The following RABGAP1L variants were observed in gnomAD, a reference collection of about 807,000 sequenced individuals.
RABGAP1L encodes the protein rab GTPase-activating protein 1-like.
Under a neutral mutation model 137.7 loss-of-function variants are expected in RABGAP1L, and 63 were observed. The observed-to-expected ratio is 0.46, with a 90% CI of 0.37 to 0.56. The LOEUF is 0.56. Ranked by LOEUF, RABGAP1L falls within the 20% of genes least tolerant of loss-of-function variation. The pLI, the probability that RABGAP1L is intolerant of heterozygous loss-of-function variation, is 0.00. For missense variants in RABGAP1L, 1,095 were observed against 1,244.0 expected, an observed-to-expected ratio of 0.88 and a Z score of 1.80; for synonymous variants, 431 against 433.7, an observed-to-expected ratio of 0.99 and a Z score of 0.08.
At chr1:174,509,093 A>G (rs998183435) in intron 13 of RABGAP1L, among the ~76,000 whole-genome samples, 1 of 152,204 alleles carries the variant, frequency 6.6e-6, no homozygotes, top group Non-Finnish European at 1.5e-5. Flanking sequence ...CTGAGTAAAA[A>G]TAGCTAGTCT....
chr1:174,813,830 T>A (rs1690118357), intron 19 of RABGAP1L, among the ~76,000 whole-genome samples: 1 of 152,206 alleles, frequency 6.6e-6, no homozygotes, highest in South Asian at 2.1e-4. Context: ...TTCAGCCAAC[T>A]GATTGTTTCG....
At chr1:174,282,380 T>A (rs1021361019) in intron 10 of RABGAP1L, among the ~76,000 whole-genome samples, 3 of 152,206 alleles carry the variant, frequency 2.0e-5, no homozygotes, top group Non-Finnish European at 4.4e-5. Flanking sequence ...ACATTTCACA[T>A]TGAGTAATGA....
chr1:174,768,029 C>T (rs991414213), intron 18 of RABGAP1L, among the ~76,000 whole-genome samples: 6 of 152,148 alleles, frequency 3.9e-5, no homozygotes, highest in African/African-American at 1.4e-4. Context: ...CCACCTGGTC[C>T]CTCCCACAAC....
At chr1:174,286,546 C>T (rs2148704817) in intron 10 of RABGAP1L, among the ~76,000 whole-genome samples, 1 of 151,982 alleles carries the variant, frequency 6.6e-6, no homozygotes, top group Non-Finnish European at 1.5e-5. Flanking sequence ...TTTTACTCTT[C>T]TCTATTTCAT....
intron 11 of RABGAP1L, among the ~76,000 whole-genome samples, chr1:174,313,167 GC>G (rs1679025155): frequency 6.6e-6 from 1 of 152,018 alleles, no homozygotes; most frequent in Non-Finnish European, 1.5e-5. Context: ...CTTGTGATCT[GC>G]CCGCCTCGGC....
At chr1:174,175,650 G>A (rs1371482680) in intron 1 of RABGAP1L, among the ~76,000 whole-genome samples, 1 of 146,176 alleles carries the variant, frequency 6.8e-6, no homozygotes, top group Admixed American at 6.8e-5. Context: ...TTTTGAGACG[G>A]AGTCTTGCTC....
intron 12 of RABGAP1L, among the ~76,000 whole-genome samples, chr1:174,390,424 G>A (rs1417285286): frequency 6.6e-6 from 1 of 152,266 alleles, no homozygotes; most frequent in African/African-American, 2.4e-5. Context: ...GTTTATGTAC[G>A]TGTGTATGCA....
intron 16 of RABGAP1L, among the ~76,000 whole-genome samples, chr1:174,701,880 A>G (rs1470031799): frequency 6.6e-6 from 1 of 152,084 alleles, no homozygotes; most frequent in Admixed American, 6.5e-5. Flanking sequence ...TGAGCAAGAG[A>G]TGGTCTTTCT....
chr1:174,551,021 T>C (rs185476852), intron 13 of RABGAP1L, among the ~76,000 whole-genome samples: 13,648 of 122,662 alleles, frequency 0.11, 1,200 homozygotes, highest in East Asian at 0.32. Context: ...TATATATATA[T>C]ACATACACAC....
chr1:174,264,406 C>T (rs566572006), intron 7 of RABGAP1L, among the ~76,000 whole-genome samples: 1 of 152,230 alleles, frequency 6.6e-6, no homozygotes, highest in East Asian at 1.9e-4. Flanking sequence ...ACCACACTTG[C>T]TTGTTAGATT....
chr1:174,506,942 C>T, intron 13 of RABGAP1L, among the ~76,000 whole-genome samples: 1 of 151,740 alleles, frequency 6.6e-6, no homozygotes, highest in East Asian at 1.9e-4. Flanking sequence ...AACCTCATCT[C>T]TACAAAAAAA....
chr1:174,970,196 T>G (rs182200348), intron 21 of RABGAP1L, among the ~76,000 whole-genome samples: 1 of 152,322 alleles, frequency 6.6e-6, no homozygotes, highest in Non-Finnish European at 1.5e-5. Flanking sequence ...AATATGTGAC[T>G]AGGAGAGTCA....
intron 17 of RABGAP1L, among the ~76,000 whole-genome samples, chr1:174,714,916 A>G (rs997487993): frequency 3.9e-5 from 6 of 152,188 alleles, no homozygotes; most frequent in East Asian, 1.9e-4. Flanking sequence ...TAGACATTTG[A>G]TAAATGTAAT....
intron 13 of RABGAP1L, among the ~76,000 whole-genome samples, chr1:174,623,267 C>T (rs913869874): frequency 2.0e-5 from 3 of 152,088 alleles, no homozygotes; most frequent in Admixed American, 6.5e-5. Flanking sequence ...CGTGAGAATA[C>T]CACAGTGAGA....
intron 7 of RABGAP1L, among the ~76,000 whole-genome samples, chr1:174,265,676 T>A (rs2148643595): frequency 6.6e-6 from 1 of 152,254 alleles, no homozygotes; most frequent in South Asian, 2.1e-4. Flanking sequence ...AGGGTTTTTT[T>A]GTTTTTATTT....
intron 19 of RABGAP1L, chr1:174,935,419 G>A (rs1253958483): frequency 1.3e-5 from 2 of 152,168 alleles, no homozygotes; most frequent in Admixed American, 6.5e-5. Flanking sequence ...CCTAGGAGAT[G>A]AAGTTTCACG....
intron 13 of RABGAP1L, among the ~76,000 whole-genome samples, chr1:174,503,431 G>A (rs1661510914): frequency 6.6e-6 from 1 of 152,124 alleles, no homozygotes; most frequent in African/African-American, 2.4e-5. Context: ...GGAGGTCAAG[G>A]TGGGTGGACC....
intron 13 of RABGAP1L, among the ~76,000 whole-genome samples, chr1:174,455,207 A>G (rs1053164956): frequency 6.6e-6 from 1 of 152,222 alleles, no homozygotes; most frequent in Admixed American, 6.5e-5. Context: ...AAGGTGATAA[A>G]TATCAAGAAA....
intron 4 of RABGAP1L, among the ~76,000 whole-genome samples, chr1:174,234,081 T>C (rs1175706238): frequency 1.5e-5 from 2 of 131,020 alleles, no homozygotes; most frequent in East Asian, 4.1e-4. Context: ...GAAGTGTCTG[T>C]TCATGTCCTT....
Sources: gnomAD v4.1 joint callset for allele counts (sites outside exome capture counted in the v4.1 genomes callset) on GRCh38, gnomAD v4.1.1 for gene constraint, MANE v1.5 for transcripts, NCBI Gene and HGNC (gene_info 2026-07-23, HGNC 2026-07-21) for gene names.